The following DNM3 variants were observed in gnomAD, a reference collection of about 807,000 sequenced individuals.
DNM3 encodes dynamin 3.
DNM3 carries 47 observed loss-of-function variants against 101.6 expected under a neutral mutation model. That is an observed-to-expected ratio of 0.46 (90% confidence interval 0.37 to 0.59). DNM3 has a LOEUF of 0.59. DNM3 is among the 20% of genes least tolerant of loss of function. The pLI is 0.00. For synonymous variants in DNM3, 385 were observed against 387.9 expected, an observed-to-expected ratio of 0.99 and a Z score of 0.09; for missense variants, 849 against 1,085.7, an observed-to-expected ratio of 0.78 and a Z score of 3.06.
At chr1:172,344,379 T>A (rs1290474863) in intron 17 of DNM3, among the ~76,000 whole-genome samples, 1 of 152,208 alleles carries the variant, frequency 6.6e-6, no homozygotes, top group Non-Finnish European at 1.5e-5. Flanking sequence ...CTTATTGAAC[T>A]AGAGGCTGTA....
intron 13 of DNM3, among the ~76,000 whole-genome samples, chr1:172,122,944 G>T (rs2056408283): frequency 6.6e-6 from 1 of 152,128 alleles, no homozygotes; most frequent in Non-Finnish European, 1.5e-5. Flanking sequence ...TGGATTAAAA[G>T]AAATAATGTG....
intron 4 of DNM3, among the ~76,000 whole-genome samples, chr1:172,013,602 A>C (rs2047262930): frequency 6.6e-6 from 1 of 152,194 alleles, no homozygotes; most frequent in Middle Eastern, 3.4e-3. Context: ...ATTTAAGGGC[A>C]CAAAGAAAGG....
intron 16 of DNM3, 35 bp downstream of exon 16, chr1:172,308,874 A>T (rs898995074): frequency 1.6e-6 from 2 of 1,278,042 alleles, no homozygotes; most frequent in East Asian, 2.4e-5. Context: ...AAAAATTATT[A>T]TTAGCTATGC....
intron 14 of DNM3, among the ~76,000 whole-genome samples, chr1:172,148,242 C>CT (rs1011418935): frequency 6.6e-6 from 1 of 150,944 alleles, no homozygotes; most frequent in African/African-American, 2.4e-5. Flanking sequence ...TGTATTTAAA[C>CT]TTTTTTTTCC....
intron 2 of DNM3, among the ~76,000 whole-genome samples, chr1:171,941,236 T>C (rs1438221514): frequency 6.6e-6 from 1 of 152,170 alleles, no homozygotes; most frequent in African/African-American, 2.4e-5. Flanking sequence ...ATGGTGAGCA[T>C]ATGTTCAAAT....
rs78893694 is a variant in DNM3, at chr1:172,100,945, G to C, written c.1545+8070G>C. On this transcript the variant is annotated intron_variant, in intron 13 of 20. Coordinates refer to ENST00000627582, the MANE Select transcript of DNM3 (RefSeq NM_015569.5). ...CAGGATTTTCAGAAAACCTTCTAAGGTTCAGTCTGATTGGACTGGCGTGGA... is the reference window on the plus strand; with the variant it reads ...CAGGATTTTCAGAAAACCTTCTAAGCTTCAGTCTGATTGGACTGGCGTGGA... Among the ~76,000 whole-genome samples the C allele has an allele frequency of 2.3e-3, 354 of 152,262 alleles. 13 individuals are homozygous for C. The East Asian group carries it at 0.058, about 25-fold the overall frequency.
chr1:171,875,533 T>C (rs996229366), intron 1 of DNM3, among the ~76,000 whole-genome samples: 10 of 152,238 alleles, frequency 6.6e-5, no homozygotes, highest in African/African-American at 2.4e-4. Flanking sequence ...AAATATTTAC[T>C]GGCAATAGAG....
chr1:172,298,859 A>AAGAG (rs36121139), intron 15 of DNM3, among the ~76,000 whole-genome samples: 3 of 149,018 alleles, frequency 2.0e-5, no homozygotes, highest in South Asian at 2.1e-4. Flanking sequence ...GAAAGAAAGA[A>AAGAG]AGAGAGAGAG....
At chr1:172,032,524 G>C (rs767725847) in intron 5 of DNM3, 24 bp downstream of exon 5, 13 of 455,414 alleles carry the variant, frequency 2.9e-5, no homozygotes, top group Admixed American at 4.2e-5. Context: ...GTCTATACAA[G>C]ACTTTTTTTT....
chr1:171,974,844 T>A (rs1203820912), intron 2 of DNM3, among the ~76,000 whole-genome samples: 1 of 151,930 alleles, frequency 6.6e-6, no homozygotes, highest in East Asian at 1.9e-4. Flanking sequence ...CTCCTCCTCC[T>A]TCTCCCCCTC....
intron 14 of DNM3, among the ~76,000 whole-genome samples, chr1:172,177,339 T>C (rs2059188902): frequency 1.3e-5 from 2 of 151,852 alleles, no homozygotes; most frequent in African/African-American, 2.4e-5. Context: ...TATTATTAAT[T>C]ATTGTTATCA....
intron 4 of DNM3, among the ~76,000 whole-genome samples, chr1:172,010,678 T>C (rs1277966743): frequency 3.5e-4 from 19 of 54,880 alleles, no homozygotes; most frequent in Non-Finnish European, 1.0e-4. Context: ...TGCCTTGGTA[T>C]GTTTTGTGTG....
At chr1:171,960,653 A>G (rs879314688) in intron 2 of DNM3, among the ~76,000 whole-genome samples, 1 of 152,196 alleles carries the variant, frequency 6.6e-6, no homozygotes, top group Non-Finnish European at 1.5e-5. Context: ...GAGAAACCTG[A>G]GCAGATACAT....
At chr1:172,060,025 A>T (rs36178280) in intron 10 of DNM3, among the ~76,000 whole-genome samples, 51,223 of 151,530 alleles carry the variant, frequency 0.34, 9,397 homozygotes, top group East Asian at 0.68. Flanking sequence ...AATGTACAGA[A>T]ATCACAAGCA....
chr1:171,913,219 A>C (rs1415652110), intron 1 of DNM3, among the ~76,000 whole-genome samples: 1 of 152,222 alleles, frequency 6.6e-6, no homozygotes, highest in East Asian at 1.9e-4. Context: ...TGTTGTTTAG[A>C]AATTTTGAAT....
At position 172,198,752 on chromosome 1, in the gene DNM3, AG is replaced by A. The variant is rs1235505654; in HGVS notation, c.1660-54820del. Among the ~76,000 whole-genome samples, 4 of 151,976 alleles carry A rather than the reference AG, an allele frequency of 2.6e-5. No individual in the cohort carries two copies. The East Asian group carries it at 7.7e-4, about 29-fold the overall frequency. ...TTGTTTTTATTTCTGTGGGTTAAGT[AG>A]TAACATTCCCTTTAGCATTTCTAAT... On this transcript the variant is annotated intron_variant, in intron 14 of 20. Coordinates refer to ENST00000627582, the MANE Select transcript of DNM3 (RefSeq NM_015569.5).
intron 13 of DNM3, among the ~76,000 whole-genome samples, chr1:172,129,159 G>T (rs911730195): frequency 6.6e-6 from 1 of 152,156 alleles, no homozygotes; most frequent in Non-Finnish European, 1.5e-5. Flanking sequence ...CCCTGGTAGG[G>T]TGGGTAATGG....
At chr1:172,057,138 T>A (rs1476509445) in intron 10 of DNM3, among the ~76,000 whole-genome samples, 3 of 151,892 alleles carry the variant, frequency 2.0e-5, no homozygotes, top group Non-Finnish European at 2.9e-5. Flanking sequence ...AAGGGAAGTT[T>A]AGAGAAAAAA....
In DNM3 at chr1:172,031,193, C is replaced by T. The variant is rs148628892; in HGVS notation, c.590-1209C>T. 2.8e-3 allele frequency among the ~76,000 whole-genome samples: 429 copies of T among 152,248 alleles called. 3 individuals are homozygous for T. The highest frequency in any genetic ancestry group is 9.7e-3 in the African/African-American group (403 of 41,552). ...ATAGACTGCTAAAGAAAATATGGTA[C>T]ATACACACCATGGAATACTATGTAG... is the stretch of plus-strand genomic sequence containing the variant. On this transcript the variant is annotated intron_variant, in intron 4 of 20. Transcript: ENST00000627582.
Sources: gnomAD v4.1 joint callset for allele counts (sites outside exome capture counted in the v4.1 genomes callset) on GRCh38, gnomAD v4.1.1 for gene constraint, MANE v1.5 for transcripts, NCBI Gene and HGNC (gene_info 2026-07-23, HGNC 2026-07-21) for gene names.